Variants in LGR6 observed in about 807,000 individuals in gnomAD.
LGR6 encodes the protein leucine rich repeat containing G protein-coupled receptor 6.
LGR6 carries 45 observed loss-of-function variants against 69.4 expected under a neutral mutation model. The ratio of observed to expected loss-of-function variants is 0.65; its 90% CI spans 0.51 to 0.83. LGR6 has a LOEUF of 0.83. LGR6 is among the 40% of genes least tolerant of loss of function. The pLI, the probability that LGR6 is intolerant of heterozygous loss-of-function variation, is 0.00. For missense variants in LGR6, 1,108 were observed against 1,246.7 expected (o/e 0.89, Z 1.68); for synonymous variants, 538 against 555.0 (o/e 0.97, Z 0.43).
intron 1 of LGR6, among the ~76,000 whole-genome samples, chr1:202,204,364 A>T (rs1465260569): frequency 1.7e-5 from 2 of 119,984 alleles, no homozygotes; most frequent in Non-Finnish European, 3.4e-5. Context: ...ACCTCCACAC[A>T]CACACACCTC....
In LGR6 at chr1:202,318,684, TTG is replaced by T. The variant is rs1385447815; in HGVS notation, c.2382_2383del (p.Ala795LeufsTer42). On this transcript the variant is annotated frameshift_variant, in exon 18 of 18. Coordinates refer to ENST00000367278, the MANE Select transcript of LGR6 (RefSeq NM_001017403.2). LOFTEE classifies it low-confidence loss of function (END_TRUNC). ...TACTGTCCCGTGGCCTTCCTCAGCT[TTG>T]CCTCCATGCTGGGCCTCTTCCCTGT... 1 of 1,613,662 alleles carries T rather than the reference TTG, an allele frequency of 6.2e-7. No individual in the cohort carries two copies. The highest frequency in any genetic ancestry group is 1.7e-5 in the Admixed American group (1 of 60,008).
At chr1:202,281,578 C>T (rs1666010011) in intron 6 of LGR6, among the ~76,000 whole-genome samples, 1 of 152,128 alleles carries the variant, frequency 6.6e-6, no homozygotes, top group Non-Finnish European at 1.5e-5. Context: ...CCGTTTCTGC[C>T]AGCTGGGGTC....
At chr1:202,312,172 G>T (rs911426964) in intron 16 of LGR6, among the ~76,000 whole-genome samples, 5 of 152,200 alleles carry the variant, frequency 3.3e-5, no homozygotes, top group Admixed American at 1.3e-4. Flanking sequence ...CTTCCTGTGG[G>T]AGCTAATGAG....
At chr1:202,314,946 T>G in intron 17 of LGR6, 64 bp downstream of exon 17, 2 of 1,213,868 alleles carry the variant, frequency 1.6e-6, no homozygotes, top group Non-Finnish European at 2.4e-6. Context: ...ACCACCTAGT[T>G]GAGGTATTAG....
chr1:202,272,734 A>G (rs988022283), intron 4 of LGR6, among the ~76,000 whole-genome samples: 1 of 152,244 alleles, frequency 6.6e-6, no homozygotes, highest in African/African-American at 2.4e-5. Context: ...TGTAGGTTAC[A>G]TGTGTGAGCG....
chr1:202,308,965 A>G (rs1653491531), intron 14 of LGR6, 86 bp from the exon 15 acceptor site: 3 of 1,521,070 alleles, frequency 2.0e-6, no homozygotes, highest in Non-Finnish European at 2.7e-6. Context: ...CTTCCATCCC[A>G]GGCACACTGG....
intron 1 of LGR6, among the ~76,000 whole-genome samples, chr1:202,212,296 C>T (rs1423825399): frequency 2.0e-5 from 3 of 151,956 alleles, no homozygotes; most frequent in African/African-American, 7.3e-5. Flanking sequence ...TGATGGAGGG[C>T]GAGCAGAGGG....
Position 202,268,371 on chromosome 1 carries a change from G to A in LGR6, c.429-7935G>A, listed in dbSNP as rs918257758. Among the ~76,000 whole-genome samples the A allele has an allele frequency of 4.6e-5, 7 of 152,320 alleles. No individual in the cohort carries two copies. The highest frequency in any genetic ancestry group is 3.3e-4 in the Admixed American group (5 of 15,310). Reference sequence around the variant, plus strand: ...TCCTTGCCTTCCCAGGCAGGCTCTCGGTCAGGGCCGTTGGTCCCTCCAGGC... The same window carrying A: ...TCCTTGCCTTCCCAGGCAGGCTCTCAGTCAGGGCCGTTGGTCCCTCCAGGC... On this transcript the variant is annotated intron_variant, in intron 4 of 17. Coordinates refer to ENST00000367278, the MANE Select transcript of LGR6 (RefSeq NM_001017403.2). This position sits in a 1 kb window ranked among gnomAD's most constrained non-coding sequence, Gnocchi z 4.4.
chr1:202,244,348 G>A (rs1471850910), intron 4 of LGR6, among the ~76,000 whole-genome samples: 3 of 152,160 alleles, frequency 2.0e-5, no homozygotes, highest in Admixed American at 6.5e-5. Context: ...ATGTGGTATC[G>A]GTATGCTAGG....
chr1:202,306,963 G>T (rs374134674), intron 13 of LGR6, 24 bp downstream of exon 13: 1 of 1,598,824 alleles, frequency 6.3e-7, no homozygotes, highest in Non-Finnish European at 8.6e-7. Context: ...TCCAGGGGTG[G>T]GCCATGGAGG....
chr1:202,194,063 C>G lies in LGR6; in HGVS notation c.74C>G (p.Ala25Gly), dbSNP rs1248699403. Residue 25 changes from alanine to glycine, a missense_variant, in exon 1 of 18, where the codon GCC becomes GGC. Transcript: ENST00000367278. ...TGCGCTTCCCGGAGGGCCGGCGGCGCCCCCCAGCCCGGCCCGGGGCCCACC... is the reference window on the plus strand; with the variant it reads ...TGCGCTTCCCGGAGGGCCGGCGGCGGCCCCCAGCCCGGCCCGGGGCCCACC... ...ALCASRRAGG[A>G]PQPGPGPTAC... The G allele has an allele frequency of 1.4e-6, 2 of 1,406,308 alleles. No homozygotes were observed. The highest frequency in any genetic ancestry group is 1.8e-6 in the Non-Finnish European group (2 of 1,088,026). The allele number at this position is 1,406,308 out of a possible 1,614,324, so 87.1% of individuals were successfully genotyped here.
intron 6 of LGR6, among the ~76,000 whole-genome samples, chr1:202,292,524 G>A (rs1666868428): frequency 6.6e-6 from 1 of 152,100 alleles, no homozygotes; most frequent in Non-Finnish European, 1.5e-5. Context: ...CACCTCCAGG[G>A]CCTCATTGTT....
intron 1 of LGR6, among the ~76,000 whole-genome samples, chr1:202,210,541 C>G (rs1659424985): frequency 6.6e-6 from 1 of 152,140 alleles, no homozygotes; most frequent in Non-Finnish European, 1.5e-5. Flanking sequence ...GGCTCCACCA[C>G]AGGCAGGAGC....
intron 1 of LGR6, among the ~76,000 whole-genome samples, chr1:202,204,306 A>C (rs1343811423): frequency 1.6e-5 from 2 of 127,084 alleles, no homozygotes; most frequent in Admixed American, 8.1e-5. Flanking sequence ...AAACACACAC[A>C]CACCCAACAC....
intron 4 of LGR6, among the ~76,000 whole-genome samples, chr1:202,256,855 T>G (rs1441929952): frequency 6.6e-6 from 1 of 152,226 alleles, no homozygotes; most frequent in East Asian, 1.9e-4. Context: ...GCATTTCAAT[T>G]TCTCCACATC....
chr1:202,264,025 G>A (rs1248913647), intron 4 of LGR6, among the ~76,000 whole-genome samples: 3 of 152,102 alleles, frequency 2.0e-5, no homozygotes, highest in Admixed American at 6.5e-5. Flanking sequence ...GTGGATGGAC[G>A]GATGGATGAA....
intron 1 of LGR6, among the ~76,000 whole-genome samples, chr1:202,214,776 G>A (rs1659652323): frequency 6.6e-6 from 1 of 152,294 alleles, no homozygotes; most frequent in Non-Finnish European, 1.5e-5. Context: ...CGGAAAGGTG[G>A]CGAAACCTCT....
At chr1:202,313,800 C>T (rs1446922231) in intron 16 of LGR6, among the ~76,000 whole-genome samples, 5 of 152,106 alleles carry the variant, frequency 3.3e-5, no homozygotes, top group Admixed American at 6.5e-5. Flanking sequence ...TCAGAGTAAT[C>T]GGGATATCCT....
At chr1:202,295,767 A>G (rs1667108230) in intron 6 of LGR6, among the ~76,000 whole-genome samples, 1 of 152,238 alleles carries the variant, frequency 6.6e-6, no homozygotes, top group South Asian at 2.1e-4. Context: ...AGGCAAAGGT[A>G]TCTGACTCAC....
Sources: allele counts gnomAD v4.1 joint callset (sites outside exome capture counted in the v4.1 genomes callset), GRCh38; gene constraint gnomAD v4.1.1; non-coding constraint Gnocchi (gnomAD v3.1); transcripts MANE v1.5; gene names NCBI Gene and HGNC (gene_info 2026-07-23, HGNC 2026-07-21).